The following GABRB3 variants were observed in gnomAD, a reference collection of about 807,000 sequenced individuals.
GABRB3 encodes gamma-aminobutyric acid type A receptor subunit beta3, also known as gamma-aminobutyric acid receptor subunit beta-3.
GABRB3 carries 14 observed loss-of-function variants against 52.1 expected under a neutral mutation model. That is an observed-to-expected ratio of 0.27 (90% CI 0.18 to 0.42). The LOEUF (loss-of-function observed/expected upper bound fraction) is 0.42. GABRB3 is among the 10% of genes least tolerant of loss of function. GABRB3 has a pLI of 1.00. For synonymous variants in GABRB3, 260 were observed against 232.3 expected (o/e 1.12, Z -1.08); for missense variants, 307 against 609.1 (o/e 0.50, Z 5.22).
chr15:26,586,397 A>AACACACACACAC (rs56386894), intron 4 of GABRB3, among the ~76,000 whole-genome samples: 35,397 of 137,882 alleles, frequency 0.26, 5,101 homozygotes, highest in African/African-American at 0.3. Flanking sequence ...AACCACCCCT[A>AACACACACACAC]ACACACACAC....
At chr15:26,771,280 T>C (rs1449208136) in intron 3 of GABRB3, among the ~76,000 whole-genome samples, 1 of 152,164 alleles carries the variant, frequency 6.6e-6, no homozygotes, top group Non-Finnish European at 1.5e-5. Flanking sequence ...GAAGTAGTTT[T>C]AAATGCAGGG....
intron 3 of GABRB3, among the ~76,000 whole-genome samples, chr15:26,715,453 G>T (rs1357589409): frequency 6.6e-6 from 1 of 152,088 alleles, no homozygotes; most frequent in Admixed American, 6.6e-5. Flanking sequence ...GAAGAGAGAG[G>T]AGAGAAAACC....
intron 7 of GABRB3, among the ~76,000 whole-genome samples, chr15:26,562,866 T>C (rs1036492145): frequency 1.3e-5 from 2 of 152,158 alleles, no homozygotes; most frequent in Non-Finnish European, 2.9e-5. Context: ...CTGCAAACCA[T>C]GGTTGCTGAC....
chr15:26,668,859 AC>A (rs1887799025), intron 3 of GABRB3, among the ~76,000 whole-genome samples: 1 of 152,232 alleles, frequency 6.6e-6, no homozygotes, highest in Non-Finnish European at 1.5e-5. Context: ...AGAAGCATAA[AC>A]AAAGTTTAAA....
chr15:26,668,433 T>G (rs545552295), intron 3 of GABRB3, among the ~76,000 whole-genome samples: 45 of 152,224 alleles, frequency 3.0e-4, no homozygotes, highest in Middle Eastern at 3.2e-3. Flanking sequence ...CTGCAGCCCC[T>G]GCCTAGGGCC....
At chr15:26,758,648 C>T (rs756585552) in intron 3 of GABRB3, among the ~76,000 whole-genome samples, 2 of 152,132 alleles carry the variant, frequency 1.3e-5, no homozygotes, top group Non-Finnish European at 2.9e-5. Flanking sequence ...TCTATACCCA[C>T]CCACCAATTC....
intron 3 of GABRB3, among the ~76,000 whole-genome samples, chr15:26,647,460 T>A (rs1166478111): frequency 6.6e-6 from 1 of 152,200 alleles, no homozygotes; most frequent in East Asian, 1.9e-4. Flanking sequence ...ACTAAGGTTT[T>A]TTTCTGTAAA....
intron 3 of GABRB3, among the ~76,000 whole-genome samples, chr15:26,644,501 G>A (rs1893297456): frequency 6.6e-6 from 1 of 152,148 alleles, no homozygotes; most frequent in African/African-American, 2.4e-5. Context: ...TGCCAAAGAT[G>A]GCCAGCCACC....
At chr15:26,700,007 A>G (rs1451397128) in intron 3 of GABRB3, among the ~76,000 whole-genome samples, 1 of 152,068 alleles carries the variant, frequency 6.6e-6, no homozygotes, top group Admixed American at 6.5e-5. Context: ...TCAGATTAGA[A>G]GTCAATAAGA....
At chr15:26,757,364 G>A (rs1181434390) in intron 3 of GABRB3, among the ~76,000 whole-genome samples, 4 of 152,028 alleles carry the variant, frequency 2.6e-5, no homozygotes, top group Admixed American at 2.0e-4. Flanking sequence ...CTTGCCTGGC[G>A]CGCTCCATTG....
chr15:26,588,038 C>T (rs1373039274), intron 4 of GABRB3, among the ~76,000 whole-genome samples: 1 of 152,048 alleles, frequency 6.6e-6, no homozygotes, highest in African/African-American at 2.4e-5. Flanking sequence ...GATTGAGAGA[C>T]AGCAGTGCTT....
intron 4 of GABRB3, among the ~76,000 whole-genome samples, chr15:26,605,717 A>G (rs12898632): frequency 0.49 from 74,286 of 151,630 alleles, 19,244 homozygotes; most frequent in Middle Eastern, 0.59. Context: ...TGAGATCTAA[A>G]TATCAAAACA....
At chr15:26,762,721 A>G (rs1415061626) in intron 3 of GABRB3, among the ~76,000 whole-genome samples, 2 of 152,226 alleles carry the variant, frequency 1.3e-5, no homozygotes, top group African/African-American at 4.8e-5. Context: ...AACGTTCTAT[A>G]GGACGGTGTT....
chr15:26,657,815 T>A (rs1192947408), intron 3 of GABRB3, among the ~76,000 whole-genome samples: 1 of 152,186 alleles, frequency 6.6e-6, no homozygotes, highest in African/African-American at 2.4e-5. Flanking sequence ...TTGCCCTTGG[T>A]TCATTCTTGG....
At chr15:26,772,814 G>A (rs753002765) in intron 1 of GABRB3, 42 bp from the exon 2 acceptor site, 1 of 1,493,032 alleles carries the variant, frequency 6.7e-7, no homozygotes, top group Non-Finnish European at 8.9e-7. Flanking sequence ...GGTCAGGGGC[G>A]GCTCAGCCGC....
intron 3 of GABRB3, among the ~76,000 whole-genome samples, chr15:26,717,284 A>T (rs1269142986): frequency 2.0e-5 from 3 of 150,336 alleles, no homozygotes; most frequent in Non-Finnish European, 4.4e-5. Flanking sequence ...CCACCCGATG[A>T]CAGCCCAGCT....
chr15:26,588,189 C>T (rs1344721434), intron 4 of GABRB3, among the ~76,000 whole-genome samples: 1 of 152,010 alleles, frequency 6.6e-6, no homozygotes, highest in Non-Finnish European at 1.5e-5. Context: ...AGAGAAAAAA[C>T]AAACAAAAAA....
chr15:26,675,971 G>A (rs993191299), intron 3 of GABRB3, among the ~76,000 whole-genome samples: 1 of 152,180 alleles, frequency 6.6e-6, no homozygotes, highest in African/African-American at 2.4e-5. Flanking sequence ...GGGCCCAGTT[G>A]AGAAGTGAGT....
intron 4 of GABRB3, among the ~76,000 whole-genome samples, chr15:26,589,526 T>G (rs6576587): frequency 0.97 from 147,108 of 152,268 alleles, 71,158 homozygotes; most frequent in East Asian, 1. Context: ...TGATTCTGAT[T>G]TCCCTGGCTG....
Sources: gnomAD v4.1 joint callset for allele counts (sites outside exome capture counted in the v4.1 genomes callset) on GRCh38, gnomAD v4.1.1 for gene constraint, MANE v1.5 for transcripts, NCBI Gene and HGNC (gene_info 2026-07-23, HGNC 2026-07-21) for gene names.